Variants in ARHGAP6 observed in about 807,000 individuals in gnomAD.
The protein encoded by ARHGAP6 is Rho GTPase activating protein 6, also known as rho GTPase-activating protein 6.
Under a neutral mutation model 55.7 loss-of-function variants are expected in ARHGAP6, and 16 were observed. That is an observed-to-expected ratio of 0.29 (90% CI 0.19 to 0.44). ARHGAP6 has a LOEUF of 0.44. ARHGAP6 is among the 20% of genes least tolerant of loss of function. The pLI, the probability that ARHGAP6 is intolerant of heterozygous loss-of-function variation, is 1.00. For synonymous variants in ARHGAP6, 382 were observed against 360.9 expected, an observed-to-expected ratio of 1.06 and a Z score of -0.66; for missense variants, 698 against 808.9, an observed-to-expected ratio of 0.86 and a Z score of 1.66.
chrX:11,322,254 C>T (rs1284653897), intron 1 of ARHGAP6, among the ~76,000 whole-genome samples: 1 of 111,768 alleles, frequency 8.9e-6, no homozygotes, highest in Non-Finnish European at 1.9e-5. Context: ...GCATCCTTGG[C>T]CAGTAGCAAA....
intron 1 of ARHGAP6, among the ~76,000 whole-genome samples, chrX:11,349,567 A>G (rs986059226): frequency 2.7e-5 from 3 of 111,919 alleles, no homozygotes; most frequent in African/African-American, 9.8e-5. Context: ...AAAAAAAAAG[A>G]ATACTCTTCT....
intron 1 of ARHGAP6, among the ~76,000 whole-genome samples, chrX:11,464,769 T>C (rs1005403415): frequency 8.9e-6 from 1 of 112,427 alleles, no homozygotes; most frequent in Non-Finnish European, 1.9e-5. Flanking sequence ...CCAACATTTA[T>C]GAAAAATTTG....
chrX:11,461,841 G>A (rs1027240895), intron 1 of ARHGAP6, among the ~76,000 whole-genome samples: 2 of 111,627 alleles, frequency 1.8e-5, no homozygotes, highest in Non-Finnish European at 3.8e-5. Flanking sequence ...TGCAGCCTCT[G>A]CTGGCTGAGA....
chrX:11,269,357 A>G (rs1038310846), intron 1 of ARHGAP6, among the ~76,000 whole-genome samples: 4 of 111,792 alleles, frequency 3.6e-5, no homozygotes, highest in African/African-American at 1.3e-4. Flanking sequence ...CTCTTTATAT[A>G]TTGTTTTGCT....
At chrX:11,155,493 T>G (rs2045851047) in intron 10 of ARHGAP6, among the ~76,000 whole-genome samples, 2 of 110,448 alleles carry the variant, frequency 1.8e-5, no homozygotes, top group Admixed American at 9.6e-5. Context: ...AGAGAGGGGG[T>G]TTAGCCATGT....
intron 1 of ARHGAP6, among the ~76,000 whole-genome samples, chrX:11,526,423 C>T (rs139678571): frequency 8.4e-4 from 92 of 109,447 alleles, no homozygotes; most frequent in African/African-American, 2.8e-3. Flanking sequence ...TAGTATAAAG[C>T]CTTCAGGCTG....
At chrX:11,432,504 A>C (rs932372506) in intron 1 of ARHGAP6, among the ~76,000 whole-genome samples, 15 of 112,406 alleles carry the variant, frequency 1.3e-4, no homozygotes, top group African/African-American at 4.5e-4. Flanking sequence ...GCATATCTTC[A>C]ACTTTACTAG....
chrX:11,487,201 A>G (rs1312125803), intron 1 of ARHGAP6, among the ~76,000 whole-genome samples: 7 of 112,557 alleles, frequency 6.2e-5, no homozygotes, highest in Non-Finnish European at 1.3e-4. Flanking sequence ...GTAAATAGAT[A>G]AATACATAGA....
rs951530437 is a variant in ARHGAP6 at position 11,226,426 on chromosome X, C to A, written c.748+28122G>T. On this transcript the variant is annotated intron_variant, in intron 2 of 12. Coordinates refer to ENST00000337414, the MANE Select transcript of ARHGAP6 (RefSeq NM_013427.3). ...TTTGGGTTGGTTCCAAGTGGACAGA[C>A]CTTTTGGTTATACATTATAAATTAC... Among the ~76,000 whole-genome samples the A allele has an allele frequency of 1.8e-5, 2 of 110,775 alleles. 1 individual carries two copies. Among genetic ancestry groups the A allele is most frequent in the Non-Finnish European group, 3.8e-5 (2 of 52,961 alleles).
At chrX:11,396,889 G>T (rs946400106) in intron 1 of ARHGAP6, among the ~76,000 whole-genome samples, 61 of 111,298 alleles carry the variant, frequency 5.5e-4, no homozygotes, top group African/African-American at 2.0e-3. Context: ...AGATCCTCTA[G>T]GCATGGAGGC....
intron 1 of ARHGAP6, among the ~76,000 whole-genome samples, chrX:11,356,930 C>T (rs1025382191): frequency 1.8e-5 from 2 of 111,766 alleles, no homozygotes; most frequent in African/African-American, 6.5e-5. Context: ...AATGATGCTA[C>T]AGTGTTAAAG....
intron 1 of ARHGAP6, among the ~76,000 whole-genome samples, chrX:11,567,256 G>C (rs2051452756): frequency 9.0e-6 from 1 of 111,515 alleles, no homozygotes; most frequent in African/African-American, 3.3e-5. Flanking sequence ...TATTTGGAAG[G>C]TGAGACAGAG....
chrX:11,211,222 G>GTTT (rs1231718233), intron 2 of ARHGAP6, among the ~76,000 whole-genome samples: 4 of 91,921 alleles, frequency 4.4e-5, no homozygotes, highest in Admixed American at 1.2e-4. Flanking sequence ...GAGAACTGCT[G>GTTT]TTTTTTTTTT....
chrX:11,404,587 C>T (rs908303864), intron 1 of ARHGAP6, among the ~76,000 whole-genome samples: 7 of 111,988 alleles, frequency 6.3e-5, no homozygotes, highest in African/African-American at 1.3e-4. Context: ...CCCTCCAAAA[C>T]CTCATCTTAA....
At chrX:11,632,088 G>T (rs948395041) in intron 1 of ARHGAP6, among the ~76,000 whole-genome samples, 1 of 111,644 alleles carries the variant, frequency 9.0e-6, no homozygotes, top group Non-Finnish European at 1.9e-5. Context: ...CTGACAGTAA[G>T]AGTTAAGAAT....
intron 2 of ARHGAP6, among the ~76,000 whole-genome samples, chrX:11,201,987 A>ATGTGTGTGTG (rs1250170973): frequency 1.0e-4 from 3 of 28,793 alleles, no homozygotes; most frequent in Non-Finnish European, 2.0e-4. Context: ...GAGCATCTGG[A>ATGTGTGTGTG]TCTGTGTGTG....
intron 1 of ARHGAP6, among the ~76,000 whole-genome samples, chrX:11,518,462 CTTTTTTTT>C (rs368595944): frequency 1.3e-5 from 1 of 74,931 alleles, no homozygotes; most frequent in Non-Finnish European, 2.5e-5. Context: ...TTTTTTTTTT[CTTTTTTTT>C]TTTTTTTTTT....
At chrX:11,642,672 T>G (rs1601722520) in intron 1 of ARHGAP6, among the ~76,000 whole-genome samples, 1 of 111,828 alleles carries the variant, frequency 8.9e-6, no homozygotes, top group Non-Finnish European at 1.9e-5. Context: ...AACATTTTGC[T>G]AAGTAAAATA....
chrX:11,217,747 T>C (rs1602889866), intron 2 of ARHGAP6, among the ~76,000 whole-genome samples: 1 of 112,312 alleles, frequency 8.9e-6, no homozygotes, highest in East Asian at 2.8e-4. Flanking sequence ...ATGGCTTTTG[T>C]TGCCATTGCT....
Sources: gnomAD v4.1 joint callset for allele counts (sites outside exome capture counted in the v4.1 genomes callset) on GRCh38, gnomAD v4.1.1 for gene constraint, MANE v1.5 for transcripts, NCBI Gene and HGNC (gene_info 2026-07-23, HGNC 2026-07-21) for gene names.